ACAP3: variants seen among roughly 807,000 people sequenced by gnomAD.
The protein encoded by ACAP3 is ArfGAP with coiled-coil, ankyrin repeat and PH domains 3.
A neutral mutation model predicts 104.1 loss-of-function variants in ACAP3; 56 were observed. That is an observed-to-expected ratio of 0.54 (90% CI 0.43 to 0.67). ACAP3 has a LOEUF of 0.67. Ranked by LOEUF, ACAP3 falls within the 30% of genes least tolerant of loss-of-function variation. ACAP3 has a pLI of 0.00. For missense variants in ACAP3, 1,208 were observed against 1,174.9 expected (o/e 1.03, Z -0.41); for synonymous variants, 628 against 496.2 (o/e 1.27, Z -3.53).
rs764298488 is a variant in ACAP3, at chr1:1,303,002, T to A, written c.226-27A>T. ...TGGAGGAGCAGATGGGAACCCGTGC[T>A]GAGATGGCAAATCCGGGCCCAGGTC... On this transcript the variant is annotated intron_variant, in intron 3 of 23. Coordinates refer to ENST00000354700, the MANE Select transcript of ACAP3 (RefSeq NM_030649.3). This position sits in a 1 kb window ranked among gnomAD's most constrained non-coding sequence, Gnocchi z 4.0. The A allele has an allele frequency of 1.2e-5, 20 of 1,601,738 alleles. No homozygotes were observed.
At chr1:1,305,947 C>T (rs948792545) in intron 1 of ACAP3, 1 of 152,294 alleles carries the variant, frequency 6.6e-6, no homozygotes, top group African/African-American at 2.4e-5. Context: ...TCTTCCCGCC[C>T]ACCCTGCCTG....
At chr1:1,293,747 G>A (rs1285264163) in intron 23 of ACAP3, 39 bp from the exon 24 acceptor site, 9 of 1,438,574 alleles carry the variant, frequency 6.3e-6, no homozygotes, top group South Asian at 4.1e-5. Flanking sequence ...CTGCCCTGGA[G>A]GCCCCGCCCC....
intron 1 of ACAP3, chr1:1,305,708 G>C (rs141276214): frequency 6.5e-6 from 1 of 153,150 alleles, no homozygotes; most frequent in Non-Finnish European, 1.5e-5. Context: ...CTTGGAGGAC[G>C]GGGAGGAGGG....
chr1:1,301,922 C>T, intron 5 of ACAP3, 66 bp downstream of exon 5: 1 of 1,442,474 alleles, frequency 6.9e-7, no homozygotes, highest in Non-Finnish European at 9.3e-7. Context: ...TGCCCCAGAC[C>T]CCCTTCCCCT....
Position 1,296,296 on chromosome 1 carries a change from A to C in ACAP3, c.1338-16T>G, listed in dbSNP as rs1288684144. ...ACCCAGGCTCCTGGAGAGCAGAGGT[A>C]GGGATGAGTCTGGGGGAGGCAAGGC... On this transcript the variant is annotated splice_polypyrimidine_tract_variant and intron_variant, in intron 15 of 23. Transcript: ENST00000354700. 1 of 1,553,622 alleles carries C rather than the reference A, an allele frequency of 6.4e-7. No homozygotes were observed. The highest frequency in any genetic ancestry group is 8.7e-7 in the Non-Finnish European group (1 of 1,148,844).
At chr1:1,298,758 G>A (rs1641313030) in intron 10 of ACAP3, 79 bp from the exon 11 acceptor site, 1 of 1,114,372 alleles carries the variant, frequency 9.0e-7, no homozygotes, top group East Asian at 2.4e-5. Flanking sequence ...AGCACAGGTG[G>A]GGGTGAGGTC....
At chr1:1,304,387 A>C (rs1036564043) in intron 1 of ACAP3, 1 of 559,692 alleles carries the variant, frequency 1.8e-6, no homozygotes, top group Non-Finnish European at 3.1e-6. Flanking sequence ...AGAAGGCTGG[A>C]CCAGCCTCTC....
At chr1:1,298,951 G>C (rs1641321166) in intron 10 of ACAP3, 1 of 552,926 alleles carries the variant, frequency 1.8e-6, no homozygotes, top group Non-Finnish European at 3.2e-6. Flanking sequence ...GGGACCAGCA[G>C]GCTGCGATCA....
chr1:1,304,372 G>A lies in ACAP3; in HGVS notation c.48-229C>T, dbSNP rs967848744. The A allele has an allele frequency of 3.3e-5, 19 of 571,974 alleles. No homozygotes were observed. In the Admixed American group the frequency reaches 4.0e-4, roughly 12 times the overall value. 35.4% of individuals were successfully genotyped at this position (571,974 alleles called of 1,614,324 possible). A position where few individuals can be genotyped will look rare whatever the true frequency, so the allele number is the denominator to read the frequency against. On this transcript the variant is annotated intron_variant, in intron 1 of 23. Coordinates refer to ENST00000354700, the MANE Select transcript of ACAP3 (RefSeq NM_030649.3). ...CAGAGGCAGCCGCTGCTGTGCCCTCGGGGAAGAAGGCTGGACCAGCCTCTC... is the reference window on the plus strand; with the variant it reads ...CAGAGGCAGCCGCTGCTGTGCCCTCAGGGAAGAAGGCTGGACCAGCCTCTC...
chr1:1,306,229 A>G (rs1355167762), intron 1 of ACAP3, among the ~76,000 whole-genome samples: 1 of 152,066 alleles, frequency 6.6e-6, no homozygotes, highest in Non-Finnish European at 1.5e-5. Context: ...GTTACCAGAG[A>G]GAAGGCCCAG....
At chr1:1,299,619 C>T (rs1192209909) in intron 9 of ACAP3, 4 of 723,388 alleles carry the variant, frequency 5.5e-6, no homozygotes, top group Non-Finnish European at 9.1e-6. Flanking sequence ...TGACCACCGC[C>T]TCAAAAGGAG....
chr1:1,306,465 G>A (rs1471259483), intron 1 of ACAP3, among the ~76,000 whole-genome samples: 1 of 152,144 alleles, frequency 6.6e-6, no homozygotes, highest in African/African-American at 2.4e-5. Flanking sequence ...CTTTTCCCAG[G>A]TCAGCAACAG....
chr1:1,297,194 CGT>C (rs57737934), intron 14 of ACAP3, among the ~76,000 whole-genome samples: 1,494 of 124,940 alleles, frequency 0.012, 90 homozygotes, highest in African/African-American at 0.054. Flanking sequence ...CCCAGTGGCA[CGT>C]GTGTGTGTGC....
chr1:1,296,992 A>G (rs1641201097), intron 14 of ACAP3, among the ~76,000 whole-genome samples: 1 of 152,234 alleles, frequency 6.6e-6, no homozygotes, highest in Non-Finnish European at 1.5e-5. Context: ...ACACATGCAC[A>G]TCCACACTGC....
At chr1:1,294,665 G>T in intron 20 of ACAP3, 37 bp from the exon 21 acceptor site, 1 of 1,540,038 alleles carries the variant, frequency 6.5e-7, no homozygotes, top group Non-Finnish European at 8.8e-7. Context: ...GCAACCCCCG[G>T]GGCTGCCCAG....
At position 1,296,234 on chromosome 1, in the gene ACAP3, A is replaced by C; in HGVS notation, c.1384T>G (p.Ser462Ala). ...CSKVRSLTLD[S>A]WEPELLKLMC... Reference sequence around the variant, plus strand: ...ACCTTTAGCAGCTCAGGCTCCCACGAGTCCAGCGTCAGGGACCGCACCTTG... The same window carrying C: ...ACCTTTAGCAGCTCAGGCTCCCACGCGTCCAGCGTCAGGGACCGCACCTTG... The change falls in exon 16 of 24, where the codon TCG (serine) becomes GCG (alanine). Residue 462 changes from serine to alanine, a missense_variant. Coordinates refer to ENST00000354700, the MANE Select transcript of ACAP3 (RefSeq NM_030649.3). The C allele has an allele frequency of 6.4e-7, 1 of 1,566,662 alleles. No individual in the cohort carries two copies. Among genetic ancestry groups the C allele is most frequent in the Admixed American group, 1.9e-5 (1 of 52,708 alleles).
chr1:1,303,091 C>T lies in ACAP3; in HGVS notation c.225+71G>A, dbSNP rs1641522461. On this transcript the variant is annotated intron_variant, in intron 3 of 23. Transcript: ENST00000354700. The surrounding 1 kb of genome is among the most constrained non-coding windows in gnomAD (Gnocchi z 4.0). ...ACCGGCCTGCTTCTGGCCTGGACGC[C>T]CTCAAGGGGCTGCCTCCCTCGGCCT... is the stretch of plus-strand genomic sequence containing the variant. 5.8e-6 allele frequency: 9 copies of T among 1,555,456 alleles called. No homozygotes were observed. The highest frequency in any genetic ancestry group is 7.8e-6 in the Non-Finnish European group (9 of 1,149,474).
chr1:1,300,841 G>A (rs2100455702), intron 5 of ACAP3, 149 bp from the exon 6 acceptor site: 7 of 750,700 alleles, frequency 9.3e-6, no homozygotes, highest in Non-Finnish European at 2.1e-6. Context: ...GTGCTGTCTC[G>A]GCTCACCGCA....
Position 1,295,449 on chromosome 1 carries a change from C to G in ACAP3, c.1811G>C (p.Arg604Pro). The change falls in exon 19 of 24, where the codon CGC becomes CCC. Residue 604 changes from arginine to proline, a missense_variant and splice_region_variant. Arg to Pro is a moderately radical substitution (Grantham distance 103). Coordinates refer to ENST00000354700, the MANE Select transcript of ACAP3 (RefSeq NM_030649.3). ...GGCTGGGCCCACCCCACACTTACTG[C>G]GAGGGCCAGCCCCTGCGGCCCCTGC... is the stretch of plus-strand genomic sequence containing the variant. ...FDAGAAGAGP[R>P]SLSSDSGLGG... is the part of the protein sequence containing the mutation. 1 of 1,612,280 alleles carries G rather than the reference C, an allele frequency of 6.2e-7. No individual in the cohort carries two copies. Among genetic ancestry groups the G allele is most frequent in the South Asian group, 1.1e-5 (1 of 91,072 alleles).
Sources: allele counts gnomAD v4.1 joint callset (sites outside exome capture counted in the v4.1 genomes callset), GRCh38; gene constraint gnomAD v4.1.1; non-coding constraint Gnocchi (gnomAD v3.1); transcripts MANE v1.5; gene names NCBI Gene and HGNC (gene_info 2026-07-23, HGNC 2026-07-21).